The following HDAC9 variants were observed in gnomAD, a reference collection of about 807,000 sequenced individuals.
HDAC9 encodes histone deacetylase 9, also known as MEF-2 interacting transcription repressor (MITR) protein.
In HDAC9, 41 loss-of-function variants were observed where a neutral mutation model predicts 139.4. The ratio of observed to expected loss-of-function variants is 0.29; its 90% CI spans 0.23 to 0.38. HDAC9 has a LOEUF of 0.38. Ranked by LOEUF, HDAC9 falls within the 10% of genes least tolerant of loss-of-function variation. The pLI is 1.00. For missense variants in HDAC9, 1,147 were observed against 1,297.0 expected (o/e 0.88, Z 1.78); for synonymous variants, 517 against 476.2 (o/e 1.09, Z -1.12).
intron 12 of HDAC9, among the ~76,000 whole-genome samples, chr7:18,718,480 G>A (rs1368939402): frequency 6.6e-6 from 1 of 152,040 alleles, no homozygotes; most frequent in Non-Finnish European, 1.5e-5. Flanking sequence ...CAATCCACCC[G>A]CCTCGGCCTC....
chr7:18,917,898 T>C (rs1803353026), intron 22 of HDAC9, among the ~76,000 whole-genome samples: 1 of 151,892 alleles, frequency 6.6e-6, no homozygotes, highest in Non-Finnish European at 1.5e-5. Flanking sequence ...TAACGGCATA[T>C]TGGGGCCCTG....
chr7:18,400,781 G>A (rs903366535), intron 1 of HDAC9, among the ~76,000 whole-genome samples: 4 of 152,138 alleles, frequency 2.6e-5, no homozygotes, highest in African/African-American at 7.2e-5. Context: ...GAATCCTGAG[G>A]CCCAGAAAAG....
chr7:18,178,228 C>T (rs1206533033), intron 2 of HDAC9, among the ~76,000 whole-genome samples: 12 of 152,124 alleles, frequency 7.9e-5, no homozygotes, highest in Admixed American at 7.9e-4. Context: ...GGATTACAGG[C>T]ACATGCCACC....
chr7:18,088,900 T>C (rs1781964802), intron 1 of HDAC9, among the ~76,000 whole-genome samples: 1 of 152,248 alleles, frequency 6.6e-6, no homozygotes. Context: ...TTGTAATTTA[T>C]TCTCATCCAT....
intron 13 of HDAC9, among the ~76,000 whole-genome samples, chr7:18,736,000 T>G (rs1181574990): frequency 6.6e-6 from 1 of 152,200 alleles, no homozygotes; most frequent in Non-Finnish European, 1.5e-5. Flanking sequence ...GTAGTAATTG[T>G]GAATGGGAGT....
intron 1 of HDAC9, among the ~76,000 whole-genome samples, chr7:18,293,799 A>G (rs553946638): frequency 6.6e-6 from 1 of 152,220 alleles, no homozygotes; most frequent in Admixed American, 6.5e-5. Context: ...ACTGCGTACT[A>G]GTGCCTTCAT....
chr7:18,858,493 A>G (rs1351241084), intron 21 of HDAC9, among the ~76,000 whole-genome samples: 2 of 152,188 alleles, frequency 1.3e-5, no homozygotes, highest in Admixed American at 6.5e-5. Flanking sequence ...CCATGATTCA[A>G]TTATCTCCAC....
At chr7:18,308,152 A>G (rs1209081360) in intron 1 of HDAC9, among the ~76,000 whole-genome samples, 1 of 152,218 alleles carries the variant, frequency 6.6e-6, no homozygotes, top group Non-Finnish European at 1.5e-5. Context: ...TAAACATTTT[A>G]ATAGTGTCAC....
At chr7:18,744,012 G>GGTTTTTT (rs1787701197) in intron 13 of HDAC9, among the ~76,000 whole-genome samples, 1 of 110,448 alleles carries the variant, frequency 9.1e-6, no homozygotes, top group African/African-American at 3.5e-5. Context: ...TTTACTACTA[G>GGTTTTTT]TTTTTTTTTT....
chr7:18,108,888 G>A (rs1433361915), intron 1 of HDAC9, among the ~76,000 whole-genome samples: 1 of 152,052 alleles, frequency 6.6e-6, no homozygotes, highest in East Asian at 1.9e-4. Context: ...CCAAAGTGTT[G>A]GATTACAGGT....
In HDAC9 at chr7:18,227,373, G is replaced by A. The variant is rs571790010; in HGVS notation, c.25+65024G>A. ...ACAAGATACTGTTGATATGTGGTAA[G>A]TGTTCTGGTTTATGGGAGGAGAAAG... is the stretch of plus-strand genomic sequence containing the variant. On this transcript the variant is annotated intron_variant, in intron 2 of 12. Coordinates refer to the HDAC9 transcript ENST00000417496. Among the ~76,000 whole-genome samples, 5 of 152,296 alleles carry A rather than the reference G, an allele frequency of 3.3e-5. No homozygotes were observed. The East Asian group carries it at 9.6e-4, about 29-fold the overall frequency.
chr7:18,710,614 T>C (rs1784275551), intron 12 of HDAC9, among the ~76,000 whole-genome samples: 1 of 152,188 alleles, frequency 6.6e-6, no homozygotes, highest in Admixed American at 6.5e-5. Context: ...TCATTAACAT[T>C]CAGCACATTG....
intron 1 of HDAC9, among the ~76,000 whole-genome samples, chr7:18,157,196 G>T (rs1246384811): frequency 6.6e-6 from 1 of 152,186 alleles, no homozygotes; most frequent in Non-Finnish European, 1.5e-5. Flanking sequence ...GAATAGTCAG[G>T]ACTCATAGTC....
chr7:18,245,111 G>A (rs562613069), intron 2 of HDAC9, among the ~76,000 whole-genome samples: 15 of 152,022 alleles, frequency 9.9e-5, no homozygotes, highest in Non-Finnish European at 1.8e-4. Context: ...CTTCTCCTGG[G>A]CTCCTTGCTT....
At chr7:18,763,485 A>G (rs1047561453) in intron 15 of HDAC9, among the ~76,000 whole-genome samples, 8 of 152,172 alleles carry the variant, frequency 5.3e-5, no homozygotes, top group Non-Finnish European at 1.2e-4. Flanking sequence ...AAAATAATGT[A>G]TACTATCGAA....
At chr7:18,933,167 C>A (rs897703596) in intron 22 of HDAC9, among the ~76,000 whole-genome samples, 3 of 152,110 alleles carry the variant, frequency 2.0e-5, no homozygotes. Context: ...AAATTTATTT[C>A]TCACAGTTCT....
At chr7:18,249,642 G>A (rs1468153744) in intron 2 of HDAC9, among the ~76,000 whole-genome samples, 2 of 151,760 alleles carry the variant, frequency 1.3e-5, no homozygotes, top group African/African-American at 2.4e-5. Flanking sequence ...CTCCCCACAG[G>A]CACCTACCAT....
intron 12 of HDAC9, among the ~76,000 whole-genome samples, chr7:18,686,697 C>T (rs559617482): frequency 6.6e-6 from 1 of 151,860 alleles, no homozygotes; most frequent in East Asian, 1.9e-4. Context: ...TTTAACCTAC[C>T]TGGTGGATTC....
chr7:18,249,157 C>A (rs2128196172), intron 2 of HDAC9, among the ~76,000 whole-genome samples: 1 of 152,128 alleles, frequency 6.6e-6, no homozygotes, highest in South Asian at 2.1e-4. Context: ...TATATATTTT[C>A]TTAAAACAAG....
Sources: allele counts gnomAD v4.1 joint callset (sites outside exome capture counted in the v4.1 genomes callset), GRCh38; gene constraint gnomAD v4.1.1; transcripts MANE v1.5; gene names NCBI Gene and HGNC (gene_info 2026-07-23, HGNC 2026-07-21).